DNAAF9: variants seen among roughly 807,000 people sequenced by gnomAD.
DNAAF9 encodes dynein axonemal assembly factor 9.
A neutral mutation model predicts 167.0 loss-of-function variants in DNAAF9; 90 were observed. The ratio of observed to expected loss-of-function variants is 0.54; its 90% confidence interval spans 0.45 to 0.64. DNAAF9 has a LOEUF of 0.64. DNAAF9 is among the 30% of genes least tolerant of loss of function. DNAAF9 has a pLI of 0.00. For missense variants in DNAAF9, 1,315 were observed against 1,442.2 expected, an observed-to-expected ratio of 0.91 and a Z score of 1.43; for synonymous variants, 491 against 508.8, an observed-to-expected ratio of 0.96 and a Z score of 0.47.
intron 12 of DNAAF9, among the ~76,000 whole-genome samples, chr20:3,327,921 CAG>C (rs2123067316): frequency 6.6e-6 from 1 of 152,312 alleles, no homozygotes; most frequent in East Asian, 1.9e-4. Context: ...AGGGGCCTGG[CAG>C]AGAGATGTGA....
At chr20:3,376,969 T>C (rs2083584502) in intron 3 of DNAAF9, among the ~76,000 whole-genome samples, 1 of 152,170 alleles carries the variant, frequency 6.6e-6, no homozygotes, top group Admixed American at 6.5e-5. Flanking sequence ...CTCAGGAGGC[T>C]GAGGCAGGAG....
intron 8 of DNAAF9, among the ~76,000 whole-genome samples, chr20:3,347,029 G>C (rs926331929): frequency 2.6e-5 from 4 of 151,772 alleles, no homozygotes; most frequent in African/African-American, 9.7e-5. Context: ...CAAAATCCAA[G>C]CACAAGAAAC....
intron 1 of DNAAF9, among the ~76,000 whole-genome samples, chr20:3,398,701 A>G (rs980803073): frequency 2.0e-5 from 3 of 152,240 alleles, no homozygotes; most frequent in Non-Finnish European, 4.4e-5. Context: ...AGCAGAAGTA[A>G]TAAAAGCTAT....
At chr20:3,263,880 CTT>C (rs1172428647) in intron 31 of DNAAF9, among the ~76,000 whole-genome samples, 1 of 152,212 alleles carries the variant, frequency 6.6e-6, no homozygotes, top group East Asian at 1.9e-4. Context: ...AGAGTGGAGT[CTT>C]TGAACAATAG....
chr20:3,265,393 CAT>C (rs2068470752), intron 30 of DNAAF9, among the ~76,000 whole-genome samples: 1 of 151,452 alleles, frequency 6.6e-6, no homozygotes, highest in South Asian at 2.1e-4. Context: ...GGCGAAACCC[CAT>C]CTCTACTAAA....
chr20:3,294,448 G>T, intron 24 of DNAAF9, 80 bp downstream of exon 24: 1 of 962,620 alleles, frequency 1.0e-6, no homozygotes, highest in Non-Finnish European at 1.7e-6. Flanking sequence ...AGAAAAAGGA[G>T]CTTAAAAGGA....
chr20:3,268,680 A>C (rs993779322), intron 30 of DNAAF9, among the ~76,000 whole-genome samples: 20 of 151,950 alleles, frequency 1.3e-4, no homozygotes, highest in Non-Finnish European at 2.5e-4. Context: ...TCCTTTATTT[A>C]ATTTTTGAAT....
chr20:3,281,740 T>C lies in DNAAF9; in HGVS notation c.2513A>G (p.Gln838Arg), dbSNP rs2068767659. 1 of 1,612,232 alleles carries C rather than the reference T, an allele frequency of 6.2e-7. No homozygotes were observed. Among genetic ancestry groups the C allele is most frequent in the Non-Finnish European group, 8.5e-7 (1 of 1,179,282 alleles). Reference protein sequence around the residue: ...QGYTDVIDVVQALQTHPDSNV... With the variant: ...QGYTDVIDVVRALQTHPDSNV... ...TGAGTCTGGGTGGGTCTGCAGGGCC[T>C]GGACAACATCAATAACATCTGTGTA... The change falls in exon 28 of 37, where the codon CAG becomes CGG. Residue 838 changes from glutamine to arginine, a missense_variant. Gln to Arg is a conservative substitution (Grantham distance 43, BLOSUM62 1). Transcript: ENST00000252032.
intron 28 of DNAAF9, among the ~76,000 whole-genome samples, chr20:3,279,833 G>A (rs2068736286): frequency 6.6e-6 from 1 of 152,202 alleles, no homozygotes; most frequent in East Asian, 1.9e-4. Flanking sequence ...GCACCACAGA[G>A]GTCCTGTGTT....
chr20:3,346,560 T>C (rs1341514351), intron 8 of DNAAF9, among the ~76,000 whole-genome samples: 2 of 151,966 alleles, frequency 1.3e-5, no homozygotes, highest in African/African-American at 2.4e-5. Context: ...AGTTCCAGGA[T>C]ATACTGTTAA....
chr20:3,293,987 T>TA, intron 25 of DNAAF9, 152 bp downstream of exon 25: 1 of 618,380 alleles, frequency 1.6e-6, no homozygotes, highest in Non-Finnish European at 2.9e-6. Context: ...AGGTTACATG[T>TA]TATCATTACA....
chr20:3,330,510 G>T, intron 12 of DNAAF9, 136 bp downstream of exon 12: 1 of 623,492 alleles, frequency 1.6e-6, no homozygotes, highest in South Asian at 1.9e-5. Context: ...CGAAAATGTT[G>T]GGATTACAGT....
Position 3,301,274 on chromosome 20 carries a change from G to A in DNAAF9, c.1783-3099C>T, listed in dbSNP as rs190212610. Among the ~76,000 whole-genome samples the A allele has an allele frequency of 5.4e-4, 80 of 147,814 alleles. 1 individual carries two copies. The East Asian group carries it at 0.011, about 21-fold the overall frequency. On this transcript the variant is annotated intron_variant, in intron 21 of 36. Transcript: ENST00000252032. The stretch of plus-strand genomic sequence containing the variant: ...GCAATCTCAGCTCACTGAAACCTCC[G>A]CCTCCCAGGTTCAAGCGATTTTCCT...
chr20:3,287,808 A>T lies in DNAAF9; in HGVS notation c.2328-18T>A, dbSNP rs2068879161. The T allele has an allele frequency of 6.2e-7, 1 of 1,613,506 alleles. No homozygotes were observed. The highest frequency in any genetic ancestry group is 1.7e-5 in the Admixed American group (1 of 60,002). ...CCATCCATCTGGAAAGGTAAAAGGT[A>T]ACCTCTGCATGGGGGCCACCTGATG... On this transcript the variant is annotated intron_variant, in intron 26 of 36. Coordinates refer to ENST00000252032, the MANE Select transcript of DNAAF9 (RefSeq NM_001009984.3).
rs115252653 is a variant in DNAAF9, at chr20:3,380,168, G to A, written c.283+1211C>T. ...TTAGCAATCTGGGCTGAGGTGAAAC[G>A]TGTGGCTGGTATGAGCTGCCAAGAT... On this transcript the variant is annotated intron_variant, in intron 3 of 36. Coordinates refer to ENST00000252032, the MANE Select transcript of DNAAF9 (RefSeq NM_001009984.3). 6.6e-3 allele frequency among the ~76,000 whole-genome samples: 1,007 copies of A among 152,322 alleles called. 10 individuals are homozygous for A. The highest frequency in any genetic ancestry group is 0.023 in the African/African-American group (961 of 41,574).
At chr20:3,393,823 C>T (rs2083862333) in intron 1 of DNAAF9, among the ~76,000 whole-genome samples, 1 of 152,186 alleles carries the variant, frequency 6.6e-6, no homozygotes, top group African/African-American at 2.4e-5. Context: ...CTGTTTCCCA[C>T]AAGTTTCTAA....
intron 1 of DNAAF9, among the ~76,000 whole-genome samples, chr20:3,385,708 TG>T (rs1184322615): frequency 6.6e-6 from 1 of 152,192 alleles, no homozygotes; most frequent in Non-Finnish European, 1.5e-5. Flanking sequence ...ATGGGACAAT[TG>T]TAACTTTATA....
chr20:3,399,005 G>C (rs2083947356), intron 1 of DNAAF9, among the ~76,000 whole-genome samples: 1 of 152,118 alleles, frequency 6.6e-6, no homozygotes, highest in Admixed American at 6.5e-5. Flanking sequence ...AAACTGAAGG[G>C]ACAAACACAC....
chr20:3,259,246 T>G (rs534151379), intron 33 of DNAAF9, among the ~76,000 whole-genome samples: 1 of 152,262 alleles, frequency 6.6e-6, no homozygotes, highest in South Asian at 2.1e-4. Context: ...GAGCAGGTCA[T>G]CCAGGCGAGG....
Sources: allele counts gnomAD v4.1 joint callset (sites outside exome capture counted in the v4.1 genomes callset), GRCh38; gene constraint gnomAD v4.1.1; transcripts MANE v1.5; gene names NCBI Gene and HGNC (gene_info 2026-07-23, HGNC 2026-07-21).